Variants in MON2 observed in about 807,000 individuals in gnomAD.
MON2 encodes the protein MON2 regulator of endosome-to-Golgi trafficking, also known as protein MON2 homolog.
MON2 carries 84 observed loss-of-function variants against 208.6 expected under a neutral mutation model. The ratio of observed to expected loss-of-function variants is 0.40; its 90% CI spans 0.34 to 0.48. MON2 has a LOEUF of 0.48. Among genes scored for constraint, MON2 ranks in the 20% least tolerant of loss-of-function variants. MON2 has a pLI of 0.59. For synonymous variants in MON2, 660 were observed against 694.0 expected (o/e 0.95, Z 0.77); for missense variants, 1,611 against 2,015.4 (o/e 0.80, Z 3.84).
At chr12:62,479,356 A>T (rs1469024674) in intron 1 of MON2, among the ~76,000 whole-genome samples, 1 of 152,074 alleles carries the variant, frequency 6.6e-6, no homozygotes, top group Non-Finnish European at 1.5e-5. Context: ...ATTTCTAGAT[A>T]ATACCTAATA....
chr12:62,495,874 G>C (rs987931560), intron 4 of MON2, among the ~76,000 whole-genome samples: 15 of 151,508 alleles, frequency 9.9e-5, no homozygotes, highest in African/African-American at 3.6e-4. Flanking sequence ...ATGTATGATG[G>C]CTAGTTCTCA....
At chr12:62,588,340 T>C (rs1215491389) in intron 34 of MON2, among the ~76,000 whole-genome samples, 184 bp downstream of exon 34, 1 of 151,690 alleles carries the variant, frequency 6.6e-6, no homozygotes, top group Non-Finnish European at 1.5e-5. Flanking sequence ...TAATTTGTGA[T>C]GTTTTCATTT....
intron 15 of MON2, 130 bp from the exon 16 acceptor site, chr12:62,537,471 TA>T (rs2073029807): frequency 1.1e-5 from 8 of 746,886 alleles, no homozygotes; most frequent in Non-Finnish European, 1.7e-5. Flanking sequence ...TTGTTCCTTA[TA>T]AAACCTTCCA....
intron 8 of MON2, chr12:62,508,785 A>G: frequency 3.8e-6 from 1 of 262,194 alleles, no homozygotes; most frequent in South Asian, 7.5e-5. Context: ...AGGATTATTA[A>G]AATTATAGTC....
chr12:62,528,309 T>C (rs762753788), intron 11 of MON2, among the ~76,000 whole-genome samples: 2 of 152,202 alleles, frequency 1.3e-5, no homozygotes, highest in Non-Finnish European at 2.9e-5. Context: ...TTTTATTGAC[T>C]GCTTGAGTAT....
intron 11 of MON2, among the ~76,000 whole-genome samples, chr12:62,530,863 G>T (rs963425538): frequency 6.6e-6 from 1 of 152,180 alleles, no homozygotes; most frequent in Non-Finnish European, 1.5e-5. Flanking sequence ...AACAATGTGT[G>T]AGGAGGGTTC....
chr12:62,547,664 A>G (rs11174541), intron 22 of MON2, among the ~76,000 whole-genome samples: 58,022 of 152,066 alleles, frequency 0.38, 11,408 homozygotes, highest in African/African-American at 0.47. Flanking sequence ...TACGCTGCCT[A>G]ACGTTTCAGT....
At chr12:62,570,637 A>G (rs1308381597) in intron 29 of MON2, among the ~76,000 whole-genome samples, 4 of 152,048 alleles carry the variant, frequency 2.6e-5, no homozygotes, top group African/African-American at 9.7e-5. Flanking sequence ...ATGACTGCAT[A>G]AGCAATATTG....
chr12:62,507,560 C>A (rs2071170713), intron 7 of MON2, among the ~76,000 whole-genome samples: 1 of 151,996 alleles, frequency 6.6e-6, no homozygotes, highest in African/African-American at 2.4e-5. Context: ...TGCCAGCAAT[C>A]CTCCCATCTC....
In MON2 at chr12:62,508,277, T is replaced by C. The variant is rs772500447; in HGVS notation, c.790-9T>C. Reference sequence around the variant, plus strand: ...ATTATTTTTTTCTTTCTTTTTTCCTTGCAAATAGCACCAAGAATTTAGTTT... The same window carrying C: ...ATTATTTTTTTCTTTCTTTTTTCCTCGCAAATAGCACCAAGAATTTAGTTT... On this transcript the variant is annotated splice_polypyrimidine_tract_variant and intron_variant, in intron 7 of 34. Coordinates refer to ENST00000393630, the MANE Select transcript of MON2 (RefSeq NM_015026.3). The C allele has an allele frequency of 5.0e-6, 8 of 1,600,596 alleles. No individual in the cohort carries two copies. The highest frequency in any genetic ancestry group is 1.7e-4 in the Middle Eastern group (1 of 6,002).
At chr12:62,543,655 T>C (rs1359943796) in intron 20 of MON2, among the ~76,000 whole-genome samples, 1 of 152,116 alleles carries the variant, frequency 6.6e-6, no homozygotes, top group Non-Finnish European at 1.5e-5. Context: ...TCACCCAGGC[T>C]GGAGTGCAGT....
chr12:62,527,364 T>G (rs2097064219), intron 11 of MON2, among the ~76,000 whole-genome samples: 1 of 152,198 alleles, frequency 6.6e-6, no homozygotes, highest in Admixed American at 6.5e-5. Flanking sequence ...CCTTACAGCT[T>G]TATTTTGCAT....
At chr12:62,476,801 TA>T (rs576595562) in intron 1 of MON2, among the ~76,000 whole-genome samples, 1 of 152,168 alleles carries the variant, frequency 6.6e-6, no homozygotes, top group Admixed American at 6.5e-5. Flanking sequence ...GGACCTTTGG[TA>T]AATTTGCCTT....
At chr12:62,512,997 G>A (rs909840561) in intron 8 of MON2, among the ~76,000 whole-genome samples, 1 of 152,188 alleles carries the variant, frequency 6.6e-6, no homozygotes, top group Admixed American at 6.5e-5. Flanking sequence ...GGCTGGAGTG[G>A]CTGGGATGCA....
intron 22 of MON2, 21 bp downstream of exon 22, chr12:62,547,093 G>A (rs527925931): frequency 4.4e-6 from 6 of 1,379,070 alleles, no homozygotes; most frequent in Non-Finnish European, 5.7e-6. Flanking sequence ...AAAATTATTT[G>A]AGAAAAAATA....
intron 21 of MON2, among the ~76,000 whole-genome samples, chr12:62,546,617 G>A (rs796871859): frequency 9.2e-5 from 14 of 152,172 alleles, no homozygotes; most frequent in African/African-American, 3.1e-4. Flanking sequence ...AGCCGGGCAT[G>A]GTGGTGCATG....
chr12:62,518,254 G>C (rs1277028933), intron 8 of MON2, among the ~76,000 whole-genome samples: 8 of 152,164 alleles, frequency 5.3e-5, no homozygotes, highest in Admixed American at 5.2e-4. Context: ...TGGGGAATAG[G>C]CTTCAACACA....
At chr12:62,506,775 A>G (rs2071123743) in intron 7 of MON2, among the ~76,000 whole-genome samples, 5 of 152,148 alleles carry the variant, frequency 3.3e-5, no homozygotes, top group Admixed American at 2.6e-4. Flanking sequence ...TGAGCAAACA[A>G]CCTGCTCTGT....
chr12:62,480,917 G>A (rs369392620), intron 1 of MON2, among the ~76,000 whole-genome samples: 1 of 152,174 alleles, frequency 6.6e-6, no homozygotes, highest in African/African-American at 2.4e-5. Context: ...AGTTAAACTC[G>A]AAAATGATGA....
Sources: allele counts gnomAD v4.1 joint callset (sites outside exome capture counted in the v4.1 genomes callset), GRCh38; gene constraint gnomAD v4.1.1; transcripts MANE v1.5; gene names NCBI Gene and HGNC (gene_info 2026-07-23, HGNC 2026-07-21).